PARD3B: variants seen among roughly 807,000 people sequenced by gnomAD.
The protein encoded by PARD3B is partitioning defective 3 homolog B.
In PARD3B, 103 loss-of-function variants were observed where a neutral mutation model predicts 130.2. The ratio of observed to expected loss-of-function variants is 0.79; its 90% confidence interval spans 0.67 to 0.93. PARD3B has a LOEUF of 0.93. Ranked by LOEUF, PARD3B falls within the 40% of genes least tolerant of loss-of-function variation. The pLI, the probability that PARD3B is intolerant of heterozygous loss-of-function variation, is 0.00. For synonymous variants in PARD3B, 583 were observed against 553.2 expected, an observed-to-expected ratio of 1.05 and a Z score of -0.76; for missense variants, 1,609 against 1,499.2, an observed-to-expected ratio of 1.07 and a Z score of -1.21.
At chr2:204,794,238 A>T (rs1482933903) in intron 2 of PARD3B, among the ~76,000 whole-genome samples, 2 of 152,226 alleles carry the variant, frequency 1.3e-5, no homozygotes, top group Non-Finnish European at 2.9e-5. Flanking sequence ...AGAGAGACTT[A>T]AATCTCTATA....
chr2:205,004,217 T>C (rs1442244315), intron 3 of PARD3B, among the ~76,000 whole-genome samples: 1 of 152,178 alleles, frequency 6.6e-6, no homozygotes, highest in Admixed American at 6.5e-5. Flanking sequence ...TCTTGTCTCA[T>C]AGAGGAAACT....
intron 3 of PARD3B, among the ~76,000 whole-genome samples, chr2:205,029,333 T>A (rs1370830482): frequency 6.6e-6 from 1 of 152,172 alleles, no homozygotes; most frequent in Non-Finnish European, 1.5e-5. Context: ...AGACATAACC[T>A]CTTCTGCCTC....
chr2:204,861,162 T>TC (rs2045171094), intron 2 of PARD3B, among the ~76,000 whole-genome samples: 6 of 91,308 alleles, frequency 6.6e-5, no homozygotes, highest in Admixed American at 1.2e-4. Context: ...CCTAATACCT[T>TC]TCTCTCTCTC....
intron 3 of PARD3B, among the ~76,000 whole-genome samples, chr2:205,007,618 A>T (rs1695378246): frequency 6.6e-6 from 1 of 152,184 alleles, no homozygotes. Context: ...ATGACTTCAG[A>T]TTTGGATGCC....
chr2:204,705,968 G>GT (rs1471470394), intron 2 of PARD3B, among the ~76,000 whole-genome samples: 1 of 152,144 alleles, frequency 6.6e-6, no homozygotes, highest in Non-Finnish European at 1.5e-5. Flanking sequence ...TAGGTACTCA[G>GT]TAACAGTTCT....
rs2041184760 is a variant in PARD3B at position 205,281,431 on chromosome 2, T to C, written c.2186-19099T>C. Among the ~76,000 whole-genome samples the C allele has an allele frequency of 6.6e-6, 1 of 152,152 alleles. No individual in the cohort carries two copies. Among genetic ancestry groups the C allele is most frequent in the African/African-American group, 2.4e-5 (1 of 41,442 alleles). On this transcript the variant is annotated intron_variant, in intron 16 of 22. Coordinates refer to ENST00000406610, the MANE Select transcript of PARD3B (RefSeq NM_001302769.2). The surrounding 1 kb of genome is among the most constrained non-coding windows in gnomAD (Gnocchi z 4.2). Reference sequence around the variant, plus strand: ...GTCTTCATATTGCACACAAAAGTTCTCTGAAAACGAAGTTGAAAGAAAGAG... The same window carrying C: ...GTCTTCATATTGCACACAAAAGTTCCCTGAAAACGAAGTTGAAAGAAAGAG...
chr2:204,999,119 C>A (rs1455954895), intron 3 of PARD3B, among the ~76,000 whole-genome samples: 1 of 147,244 alleles, frequency 6.8e-6, no homozygotes, highest in Admixed American at 6.7e-5. Flanking sequence ...TTTTTTTTTG[C>A]CAATATTTTC....
chr2:205,197,032 G>GGGGTGTGT (rs1553636919), intron 15 of PARD3B, among the ~76,000 whole-genome samples: 26 of 55,214 alleles, frequency 4.7e-4, no homozygotes, highest in Non-Finnish European at 6.5e-4. Flanking sequence ...GTGGGGGGGG[G>GGGGTGTGT]GTGTGTGTGT....
intron 21 of PARD3B, among the ~76,000 whole-genome samples, chr2:205,532,559 C>A (rs528583070): frequency 1.3e-5 from 2 of 152,246 alleles, no homozygotes; most frequent in African/African-American, 4.8e-5. Context: ...GGGCAGTTGT[C>A]TAAATTAATA....
At chr2:204,652,802 C>T (rs1193982610) in intron 1 of PARD3B, among the ~76,000 whole-genome samples, 2 of 146,590 alleles carry the variant, frequency 1.4e-5, no homozygotes, top group Non-Finnish European at 2.9e-5. Context: ...TGGGAGGACT[C>T]AGGGAACTTA....
At chr2:205,439,862 GC>G (rs2047649963) in intron 19 of PARD3B, among the ~76,000 whole-genome samples, 1 of 152,114 alleles carries the variant, frequency 6.6e-6, no homozygotes, top group Non-Finnish European at 1.5e-5. Context: ...TGACCAGAAA[GC>G]CTCTGTATTT....
At chr2:205,217,711 T>C (rs1474895736) in intron 15 of PARD3B, among the ~76,000 whole-genome samples, 2 of 150,628 alleles carry the variant, frequency 1.3e-5, no homozygotes, top group Admixed American at 6.6e-5. Context: ...CACATACATA[T>C]ATATATACAC....
intron 3 of PARD3B, among the ~76,000 whole-genome samples, chr2:204,983,867 G>T (rs1692897334): frequency 6.6e-6 from 1 of 152,104 alleles, no homozygotes; most frequent in Admixed American, 6.5e-5. Context: ...ATAAGTAACT[G>T]ACTCTAACCC....
Position 205,128,666 on chromosome 2 carries a change from G to T in PARD3B, c.1434+2929G>T, listed in dbSNP as rs183862946. Among the ~76,000 whole-genome samples the T allele has an allele frequency of 6.6e-6, 1 of 152,106 alleles. No individual in the cohort carries two copies. Among genetic ancestry groups the T allele is most frequent in the Non-Finnish European group, 1.5e-5 (1 of 68,024 alleles). Reference sequence around the variant, plus strand: ...GGCTAATTGTAAGTTCTCAAAATACGTTAGCTATAATTTTTTTTTCTAATA... The same window carrying T: ...GGCTAATTGTAAGTTCTCAAAATACTTTAGCTATAATTTTTTTTTCTAATA... On this transcript the variant is annotated intron_variant, in intron 10 of 22. Coordinates refer to ENST00000406610, the MANE Select transcript of PARD3B (RefSeq NM_001302769.2). The surrounding 1 kb of genome is among the most constrained non-coding windows in gnomAD (Gnocchi z 4.5).
intron 15 of PARD3B, among the ~76,000 whole-genome samples, chr2:205,201,181 T>C (rs1279638781): frequency 6.6e-6 from 1 of 152,146 alleles, no homozygotes; most frequent in Non-Finnish European, 1.5e-5. Flanking sequence ...AGAGAGATGA[T>C]TTGAGTCATA....
intron 22 of PARD3B, among the ~76,000 whole-genome samples, chr2:205,587,147 G>C (rs2054225883): frequency 1.3e-5 from 2 of 152,170 alleles, no homozygotes; most frequent in Admixed American, 1.3e-4. Context: ...TCTAGTCTCT[G>C]ATGCTAATAT....
chr2:205,516,412 G>C (rs1334657162), intron 21 of PARD3B, among the ~76,000 whole-genome samples: 1 of 152,086 alleles, frequency 6.6e-6, no homozygotes, highest in African/African-American at 2.4e-5. Flanking sequence ...TTTTCCATTT[G>C]TTTGTGTCAT....
At chr2:204,737,546 T>C (rs1052853691) in intron 2 of PARD3B, among the ~76,000 whole-genome samples, 6 of 152,242 alleles carry the variant, frequency 3.9e-5, no homozygotes, top group African/African-American at 1.4e-4. Flanking sequence ...TTTACTCTGC[T>C]TATTGTTTCT....
At chr2:205,424,745 G>T (rs1296539487) in intron 19 of PARD3B, among the ~76,000 whole-genome samples, 1 of 152,122 alleles carries the variant, frequency 6.6e-6, no homozygotes, top group African/African-American at 2.4e-5. Context: ...AACAGAAGGG[G>T]TTGATCCTCA....
Sources: allele counts gnomAD v4.1 joint callset (sites outside exome capture counted in the v4.1 genomes callset), GRCh38; gene constraint gnomAD v4.1.1; non-coding constraint Gnocchi (gnomAD v3.1); transcripts MANE v1.5; gene names NCBI Gene and HGNC (gene_info 2026-07-23, HGNC 2026-07-21).